Variants in CTNNA2 observed in about 807,000 individuals in gnomAD.
CTNNA2 encodes catenin alpha-2.
In CTNNA2, 42 loss-of-function variants were observed where a neutral mutation model predicts 101.0. That is an observed-to-expected ratio of 0.42 (90% CI 0.32 to 0.54). The LOEUF (loss-of-function observed/expected upper bound fraction) is 0.54. CTNNA2 is among the 20% of genes least tolerant of loss of function. The pLI, the probability that CTNNA2 is intolerant of heterozygous loss-of-function variation, is 0.14. For synonymous variants in CTNNA2, 450 were observed against 456.4 expected (o/e 0.99, Z 0.18); for missense variants, 871 against 1,223.1 (o/e 0.71, Z 4.29).
At chr2:79,895,212 A>G (rs1684618996) in intron 6 of CTNNA2, among the ~76,000 whole-genome samples, 1 of 152,352 alleles carries the variant, frequency 6.6e-6, no homozygotes, top group Non-Finnish European at 1.5e-5. Flanking sequence ...AGGCCATGCA[A>G]TGTTTCTTGA....
chr2:79,457,674 C>T (rs547850033), intron 4 of CTNNA2, among the ~76,000 whole-genome samples: 8 of 152,182 alleles, frequency 5.3e-5, no homozygotes, highest in South Asian at 2.1e-4. Context: ...ACGGAAACTC[C>T]GCGAGTATTT....
chr2:79,802,607 G>A (rs536396346), intron 3 of CTNNA2, among the ~76,000 whole-genome samples: 81 of 152,312 alleles, frequency 5.3e-4, no homozygotes, highest in African/African-American at 1.9e-3. Context: ...AAATGGTAAT[G>A]AAGTTGCCTT....
At chr2:79,905,579 C>T (rs1373809506) in intron 6 of CTNNA2, among the ~76,000 whole-genome samples, 2 of 152,010 alleles carry the variant, frequency 1.3e-5, no homozygotes, top group African/African-American at 4.8e-5. Context: ...TCTTCTGTGA[C>T]CAGGGAGGGG....
At chr2:80,049,065 A>C (rs557565607) in intron 7 of CTNNA2, among the ~76,000 whole-genome samples, 1 of 152,332 alleles carries the variant, frequency 6.6e-6, no homozygotes, top group African/African-American at 2.4e-5. Context: ...GCAAGATCTA[A>C]TCTGTAATTT....
chr2:80,621,135 TC>T lies in CTNNA2; in HGVS notation c.2574+1908del, dbSNP rs762467016. 4.7e-4 allele frequency among the ~76,000 whole-genome samples: 72 copies of T among 151,894 alleles called. 1 individual carries two copies. Among genetic ancestry groups the T allele is most frequent in the Non-Finnish European group, 1.3e-4 (9 of 67,900 alleles). On this transcript the variant is annotated intron_variant, in intron 18 of 18. Transcript: ENST00000402739. ...CTCTGCGCTTGACTTGTTAGGTAAC[TC>T]AAAGCAAATTACTTAGATCTCTCGG...
At chr2:80,204,432 C>G (rs1044630501) in intron 7 of CTNNA2, among the ~76,000 whole-genome samples, 26 of 152,220 alleles carry the variant, frequency 1.7e-4, no homozygotes, top group African/African-American at 6.3e-4. Context: ...TCATCCCTCT[C>G]AAGTTCAAAG....
intron 9 of CTNNA2, among the ~76,000 whole-genome samples, chr2:80,419,915 G>C (rs1437320591): frequency 6.6e-6 from 1 of 151,534 alleles, no homozygotes; most frequent in Non-Finnish European, 1.5e-5. Context: ...GTTTTGATTT[G>C]AGGGAGTAAA....
intron 7 of CTNNA2, among the ~76,000 whole-genome samples, chr2:80,363,302 G>A (rs1336351962): frequency 6.6e-6 from 1 of 151,980 alleles, no homozygotes; most frequent in Non-Finnish European, 1.5e-5. Context: ...CGATTTGACA[G>A]ATTTGACATA....
intron 9 of CTNNA2, among the ~76,000 whole-genome samples, chr2:80,465,124 G>C (rs573331487): frequency 1.7e-4 from 26 of 152,282 alleles, no homozygotes; most frequent in African/African-American, 6.3e-4. Flanking sequence ...ATCTTGCCAT[G>C]ACTTGTTCAG....
chr2:79,393,690 G>A (rs1244778161), intron 4 of CTNNA2, among the ~76,000 whole-genome samples: 4 of 151,266 alleles, frequency 2.6e-5, no homozygotes, highest in African/African-American at 9.7e-5. Flanking sequence ...TGGGCTGGAG[G>A]TCACAAGCAG....
At chr2:80,645,327 A>G (rs760594742) in intron 18 of CTNNA2, among the ~76,000 whole-genome samples, 2 of 152,164 alleles carry the variant, frequency 1.3e-5, no homozygotes, top group Non-Finnish European at 2.9e-5. Flanking sequence ...TTGCTGTCTC[A>G]TCTCTGTCCT....
At chr2:80,448,496 A>T (rs1205334217) in intron 9 of CTNNA2, among the ~76,000 whole-genome samples, 4 of 152,154 alleles carry the variant, frequency 2.6e-5, no homozygotes, top group Admixed American at 6.5e-5. Flanking sequence ...CATTAGCATT[A>T]CCTGAGGAAC....
chr2:80,347,659 A>G (rs539596880), intron 7 of CTNNA2, among the ~76,000 whole-genome samples: 17 of 149,016 alleles, frequency 1.1e-4, no homozygotes, highest in South Asian at 6.5e-4. Context: ...TTCCATGTGG[A>G]TACTTAGCTG....
At chr2:80,458,404 A>G (rs1161812010) in intron 9 of CTNNA2, among the ~76,000 whole-genome samples, 1 of 152,154 alleles carries the variant, frequency 6.6e-6, no homozygotes, top group East Asian at 1.9e-4. Context: ...AATATGGTTA[A>G]TTTTCTGGAT....
chr2:79,832,274 C>G (rs1449337029), intron 3 of CTNNA2, among the ~76,000 whole-genome samples: 1 of 152,156 alleles, frequency 6.6e-6, no homozygotes, highest in African/African-American at 2.4e-5. Context: ...TTACCTGAAA[C>G]AATACGTGAT....
At chr2:79,849,967 T>G (rs12477070) in intron 3 of CTNNA2, among the ~76,000 whole-genome samples, 130,234 of 152,124 alleles carry the variant, frequency 0.86, 55,982 homozygotes, top group Non-Finnish European at 0.89. Flanking sequence ...TATGATTAAA[T>G]AAATTAATGT....
At chr2:79,968,099 A>G (rs939837762) in intron 7 of CTNNA2, among the ~76,000 whole-genome samples, 19 of 152,138 alleles carry the variant, frequency 1.2e-4, no homozygotes, top group Admixed American at 1.3e-4. Context: ...TTTTGGAGTG[A>G]TGGCAATGTT....
chr2:80,188,459 G>A (rs1231635733), intron 7 of CTNNA2, among the ~76,000 whole-genome samples: 2 of 152,084 alleles, frequency 1.3e-5, no homozygotes, highest in Non-Finnish European at 2.9e-5. Flanking sequence ...AAACTTAGAG[G>A]CTTGAAACAA....
At chr2:80,485,545 T>C (rs1220794846) in intron 9 of CTNNA2, among the ~76,000 whole-genome samples, 1 of 152,186 alleles carries the variant, frequency 6.6e-6, no homozygotes, top group Non-Finnish European at 1.5e-5. Context: ...ATTTAAGGAA[T>C]AACATTTTTT....
Sources: gnomAD v4.1 joint callset for allele counts (sites outside exome capture counted in the v4.1 genomes callset) on GRCh38, gnomAD v4.1.1 for gene constraint, MANE v1.5 for transcripts, NCBI Gene and HGNC (gene_info 2026-07-23, HGNC 2026-07-21) for gene names.